DIAPH3: variants seen among roughly 807,000 people sequenced by gnomAD.
DIAPH3 encodes protein diaphanous homolog 3.
A neutral mutation model predicts 144.3 loss-of-function variants in DIAPH3; 117 were observed. The ratio of observed to expected loss-of-function variants is 0.81; its 90% CI spans 0.70 to 0.95. DIAPH3 has a LOEUF of 0.95. DIAPH3 is among the 40% of genes least tolerant of loss of function. The probability of loss-of-function intolerance (pLI) is 0.00; values close to 1 mark genes in which losing one functional copy is unlikely to be tolerated. For synonymous variants in DIAPH3, 519 were observed against 488.9 expected (o/e 1.06, Z -0.81); for missense variants, 1,421 against 1,412.7 (o/e 1.01, Z -0.09).
At chr13:59,816,056 TGA>T (rs1452488510) in intron 24 of DIAPH3, among the ~76,000 whole-genome samples, 2 of 152,138 alleles carry the variant, frequency 1.3e-5, no homozygotes, top group African/African-American at 2.4e-5. Flanking sequence ...CTGACTTGAC[TGA>T]GAGAAATTTC....
At chr13:59,786,477 C>T (rs967346953) in intron 25 of DIAPH3, among the ~76,000 whole-genome samples, 1 of 152,014 alleles carries the variant, frequency 6.6e-6, no homozygotes, top group Non-Finnish European at 1.5e-5. Flanking sequence ...TTTCACATTT[C>T]TTATGATTTA....
intron 27 of DIAPH3, among the ~76,000 whole-genome samples, chr13:59,747,864 TA>T (rs1642879750): frequency 6.6e-6 from 1 of 152,184 alleles, no homozygotes; most frequent in African/African-American, 2.4e-5. Context: ...CCTTCCTAGG[TA>T]ATAGTTCTTA....
At chr13:59,705,534 A>G (rs913164825) in intron 27 of DIAPH3, among the ~76,000 whole-genome samples, 3 of 152,214 alleles carry the variant, frequency 2.0e-5, no homozygotes, top group African/African-American at 7.2e-5. Context: ...TTTCAGATCA[A>G]TGAGAGAAAA....
chr13:60,007,530 C>T (rs548441830), intron 9 of DIAPH3, among the ~76,000 whole-genome samples: 2 of 152,144 alleles, frequency 1.3e-5, no homozygotes, highest in South Asian at 4.1e-4. Flanking sequence ...TACTTCATAT[C>T]TATTAACACA....
At chr13:60,070,579 T>C (rs980676827) in intron 4 of DIAPH3, among the ~76,000 whole-genome samples, 1 of 152,186 alleles carries the variant, frequency 6.6e-6, no homozygotes, top group Non-Finnish European at 1.5e-5. Flanking sequence ...GAAAATGCCC[T>C]GGCATCGGAC....
intron 22 of DIAPH3, among the ~76,000 whole-genome samples, chr13:59,846,331 T>A (rs1005720464): frequency 6.6e-5 from 10 of 152,112 alleles, no homozygotes; most frequent in Admixed American, 2.6e-4. Flanking sequence ...CTCTTACACA[T>A]CATGATACAA....
At chr13:60,136,889 G>A (rs566258583) in intron 1 of DIAPH3, among the ~76,000 whole-genome samples, 15 of 152,102 alleles carry the variant, frequency 9.9e-5, no homozygotes, top group African/African-American at 3.1e-4. Context: ...GCAGTGAGCC[G>A]AGATTGTGCC....
At chr13:59,802,418 A>C (rs2139483265) in intron 25 of DIAPH3, among the ~76,000 whole-genome samples, 1 of 151,498 alleles carries the variant, frequency 6.6e-6, no homozygotes, top group South Asian at 2.1e-4. Flanking sequence ...TCAATATATC[A>C]ATTTTAATTA....
chr13:60,050,077 CTAGA>C (rs1461074256), intron 4 of DIAPH3, among the ~76,000 whole-genome samples: 1 of 152,102 alleles, frequency 6.6e-6, no homozygotes, highest in African/African-American at 2.4e-5. Flanking sequence ...GCCAGTAGAT[CTAGA>C]TACTCAGGAG....
chr13:59,708,311 C>G (rs2034543078), intron 27 of DIAPH3, among the ~76,000 whole-genome samples: 1 of 152,122 alleles, frequency 6.6e-6, no homozygotes, highest in Non-Finnish European at 1.5e-5. Context: ...CCTCTCTTTC[C>G]TTTTATAGCA....
intron 3 of DIAPH3, among the ~76,000 whole-genome samples, chr13:60,109,628 T>C (rs2058513232): frequency 6.6e-6 from 1 of 152,146 alleles, no homozygotes; most frequent in Admixed American, 6.5e-5. Flanking sequence ...TTGTATTATC[T>C]GAAACCAACA....
intron 13 of DIAPH3, 111 bp from the exon 14 acceptor site, chr13:59,980,970 C>A: frequency 1.2e-6 from 1 of 816,126 alleles, no homozygotes; most frequent in Non-Finnish European, 2.0e-6. Flanking sequence ...ACTGATACTA[C>A]CAGTAATAAA....
intron 4 of DIAPH3, among the ~76,000 whole-genome samples, chr13:60,063,303 C>T (rs980629203): frequency 4.6e-5 from 7 of 152,206 alleles, no homozygotes; most frequent in Non-Finnish European, 1.0e-4. Flanking sequence ...CAGGCTCCAC[C>T]TCTAATTCTA....
chr13:59,781,951 A>G (rs143325381), intron 25 of DIAPH3, among the ~76,000 whole-genome samples: 1 of 152,176 alleles, frequency 6.6e-6, no homozygotes, highest in Non-Finnish European at 1.5e-5. Flanking sequence ...GACACCATAT[A>G]TGGAGCAGAC....
At chr13:59,779,352 A>G (rs1389585989) in intron 25 of DIAPH3, among the ~76,000 whole-genome samples, 1 of 152,224 alleles carries the variant, frequency 6.6e-6, no homozygotes, top group Non-Finnish European at 1.5e-5. Flanking sequence ...ATGAGATAAT[A>G]CAAATGAAAG....
intron 17 of DIAPH3, among the ~76,000 whole-genome samples, chr13:59,964,693 T>C (rs1001506018): frequency 9.2e-5 from 14 of 152,114 alleles, no homozygotes; most frequent in Non-Finnish European, 1.8e-4. Context: ...ACAGAGAATA[T>C]ACTATAACTG....
intron 27 of DIAPH3, among the ~76,000 whole-genome samples, chr13:59,702,045 G>C (rs1453950519): frequency 2.0e-5 from 3 of 152,100 alleles, no homozygotes; most frequent in Non-Finnish European, 4.4e-5. Context: ...CTTACTGTTT[G>C]TTTTCCTTTC....
chr13:60,004,289 A>T (rs1440102038), intron 9 of DIAPH3, among the ~76,000 whole-genome samples: 2 of 152,356 alleles, frequency 1.3e-5, no homozygotes, highest in Admixed American at 6.5e-5. Context: ...TTTATAGGAA[A>T]ATTGATAGCC....
At chr13:60,046,883 C>CAA (rs2056094580) in intron 4 of DIAPH3, among the ~76,000 whole-genome samples, 1 of 151,856 alleles carries the variant, frequency 6.6e-6, no homozygotes, top group Non-Finnish European at 1.5e-5. Flanking sequence ...AACAGAAAAC[C>CAA]AAACACCACA....
Sources: allele counts gnomAD v4.1 joint callset (sites outside exome capture counted in the v4.1 genomes callset), GRCh38; gene constraint gnomAD v4.1.1; transcripts MANE v1.5; gene names NCBI Gene and HGNC (gene_info 2026-07-23, HGNC 2026-07-21).